The following CSMD1 variants were observed in gnomAD, a reference collection of about 807,000 sequenced individuals.
CSMD1 encodes CUB and Sushi multiple domains 1.
Under a neutral mutation model 417.5 loss-of-function variants are expected in CSMD1, and 213 were observed. That is an observed-to-expected ratio of 0.51 (90% confidence interval 0.46 to 0.57). The LOEUF is 0.57. Among genes scored for constraint, CSMD1 ranks in the 20% least tolerant of loss-of-function variants. The pLI, the probability that CSMD1 is intolerant of heterozygous loss-of-function variation, is 0.00. For synonymous variants in CSMD1, 2,862 were observed against 1,736.8 expected, an observed-to-expected ratio of 1.65 and a Z score of -16.11; for missense variants, 6,923 against 4,529.7, an observed-to-expected ratio of 1.53 and a Z score of -15.17.
chr8:3,603,930 GC>G (rs1477603273), intron 8 of CSMD1, among the ~76,000 whole-genome samples: 1 of 152,144 alleles, frequency 6.6e-6, no homozygotes, highest in Non-Finnish European at 1.5e-5. Flanking sequence ...AGAAACAGCA[GC>G]TTTTTTATTG....
At chr8:3,182,667 A>G (rs1283315046) in intron 36 of CSMD1, among the ~76,000 whole-genome samples, 1 of 43,672 alleles carries the variant, frequency 2.3e-5, no homozygotes, top group African/African-American at 7.9e-5. Flanking sequence ...CTGGCTGTCT[A>G]TAAGAAGCTG....
rs186302224 is a variant in CSMD1, at chr8:4,021,987, G to A, written c.610+9918C>T. Among the ~76,000 whole-genome samples the A allele has an allele frequency of 3.1e-4, 47 of 151,876 alleles. 1 individual carries two copies. Among genetic ancestry groups the A allele is most frequent in the African/African-American group, 1.1e-3 (47 of 41,404 alleles). On this transcript the variant is annotated intron_variant, in intron 4 of 69. Coordinates refer to ENST00000635120, the MANE Select transcript of CSMD1 (RefSeq NM_033225.6). ...GTCAAGTGCTGCCTAGGAAAGGATA[G>A]TTAGGTCTGTCTAATTCTGGAGTCC...
At chr8:4,127,670 T>G (rs1290832030) in intron 3 of CSMD1, among the ~76,000 whole-genome samples, 4 of 152,066 alleles carry the variant, frequency 2.6e-5, no homozygotes, top group African/African-American at 4.8e-5. Context: ...AGACTACTTA[T>G]AAGGAAGATA....
rs554563468 is a variant in CSMD1 at position 4,250,281 on chromosome 8, T to C, written c.415+169672A>G. ...CAAAAAGCCTCTCTAGTGATATAAA[T>C]AGCCCAGCTCAGCTTAGGAGTCCTG... On this transcript the variant is annotated intron_variant, in intron 3 of 69. Coordinates refer to ENST00000635120, the MANE Select transcript of CSMD1 (RefSeq NM_033225.6). Among the ~76,000 whole-genome samples the C allele has an allele frequency of 2.0e-5, 3 of 152,300 alleles. No individual in the cohort carries two copies. The South Asian group carries it at 6.2e-4, about 32-fold the overall frequency.
intron 23 of CSMD1, among the ~76,000 whole-genome samples, chr8:3,313,935 C>T (rs538037534): frequency 2.6e-4 from 40 of 152,282 alleles, no homozygotes; most frequent in Admixed American, 2.2e-3. Flanking sequence ...GAATACTATG[C>T]AGCCATAAAA....
intron 3 of CSMD1, among the ~76,000 whole-genome samples, chr8:4,183,554 C>A (rs1798496720): frequency 6.6e-6 from 1 of 152,176 alleles, no homozygotes; most frequent in Non-Finnish European, 1.5e-5. Context: ...AAGTCAGAGA[C>A]AGACATTCCT....
intron 4 of CSMD1, among the ~76,000 whole-genome samples, chr8:4,024,982 C>T (rs529831791): frequency 9.2e-5 from 14 of 152,286 alleles, no homozygotes; most frequent in African/African-American, 3.4e-4. Context: ...CTGGGCTAGG[C>T]CTGGGTGGGT....
intron 1 of CSMD1, among the ~76,000 whole-genome samples, chr8:4,911,975 A>C (rs534742854): frequency 9.9e-5 from 15 of 152,042 alleles, no homozygotes; most frequent in African/African-American, 3.1e-4. Context: ...CAGTTTAATA[A>C]TTTCTCCACA....
At chr8:4,869,316 G>A (rs1001366091) in intron 1 of CSMD1, among the ~76,000 whole-genome samples, 5 of 152,024 alleles carry the variant, frequency 3.3e-5, no homozygotes, top group Admixed American at 2.6e-4. Flanking sequence ...AACAGTGGAG[G>A]AGTTGTGTCT....
chr8:4,906,353 C>A (rs896792380), intron 1 of CSMD1, among the ~76,000 whole-genome samples: 103 of 152,276 alleles, frequency 6.8e-4, no homozygotes, highest in African/African-American at 2.4e-3. Context: ...CACATTCTTG[C>A]ATACAACTTA....
At chr8:4,083,755 C>G (rs1228985944) in intron 3 of CSMD1, among the ~76,000 whole-genome samples, 2 of 152,302 alleles carry the variant, frequency 1.3e-5, no homozygotes, top group East Asian at 1.9e-4. Context: ...AAAACCTAGG[C>G]ATTACCATTC....
intron 3 of CSMD1, among the ~76,000 whole-genome samples, chr8:4,113,490 T>C (rs1052130409): frequency 3.4e-5 from 5 of 145,048 alleles, no homozygotes; most frequent in Non-Finnish European, 7.5e-5. Context: ...CTGCAACCTC[T>C]GCCTCCCAGG....
In CSMD1 at chr8:4,414,014, TTCTTGTGCTAG is replaced by T. The variant is rs1208957615; in HGVS notation, c.415+5928_415+5938del. Among the ~76,000 whole-genome samples, 128 of 152,346 alleles carry T rather than the reference TTCTTGTGCTAG, an allele frequency of 8.4e-4. 1 individual carries two copies. In the East Asian group the frequency reaches 0.02, roughly 23 times the overall value. ...TGGGCTAATGGAGAGCCAGCTGCTC[TTCTTGTGCTAG>T]CACGTTCTTGAAAAGGAAACATTTC... On this transcript the variant is annotated intron_variant, in intron 3 of 69. Transcript: ENST00000635120.
At chr8:4,383,567 A>G (rs750375377) in intron 3 of CSMD1, among the ~76,000 whole-genome samples, 30 of 152,162 alleles carry the variant, frequency 2.0e-4, no homozygotes, top group Non-Finnish European at 3.1e-4. Flanking sequence ...TAAACCTCAA[A>G]TCTGATTACA....
rs181126921 is a variant in CSMD1, at chr8:4,146,562, A to T, written c.416-114463T>A. Among the ~76,000 whole-genome samples, 452 of 123,924 alleles carry T rather than the reference A, an allele frequency of 3.6e-3. 27 individuals carry two copies. Among genetic ancestry groups the T allele is most frequent in the African/African-American group, 0.013 (431 of 33,532 alleles). The allele number at this position is 123,924 out of a possible 152,430, so 81.3% of individuals were successfully genotyped here. On this transcript the variant is annotated intron_variant, in intron 3 of 69. Transcript: ENST00000635120. ...CCACAACTCCAGGGAAGGAAGCTCC[A>T]TTATTATCTGTCTAAATGTTTATAT...
At chr8:4,329,276 G>T (rs1799732068) in intron 3 of CSMD1, among the ~76,000 whole-genome samples, 2 of 152,100 alleles carry the variant, frequency 1.3e-5, no homozygotes, top group Admixed American at 1.3e-4. Context: ...TTACTAAAAT[G>T]CTTGAACAAA....
intron 52 of CSMD1, among the ~76,000 whole-genome samples, chr8:3,013,648 A>C (rs1808589345): frequency 6.6e-6 from 1 of 151,652 alleles, no homozygotes; most frequent in Non-Finnish European, 1.5e-5. Flanking sequence ...GCTACTCAGG[A>C]GGGTGAGGCA....
Position 4,650,345 on chromosome 8 carries a change from A to G in CSMD1, c.86-12787T>C, listed in dbSNP as rs1326871162. On this transcript the variant is annotated intron_variant, in intron 1 of 69. Transcript: ENST00000635120. ...GGGCAGCAGTACGAGACTCCGTCTC[A>G]AGAAAAAAAAAAAAAAAAAAAAAAA... Among the ~76,000 whole-genome samples the G allele has an allele frequency of 4.0e-5, 4 of 99,590 alleles. No individual in the cohort carries two copies. In the East Asian group the frequency reaches 9.4e-4, roughly 24 times the overall value. The allele number at this position is 99,590 out of a possible 152,430, so 65.3% of individuals were successfully genotyped here. A position where few individuals can be genotyped will look rare whatever the true frequency, so the allele number is the denominator to read the frequency against.
At chr8:3,991,949 A>G (rs1176153069) in intron 5 of CSMD1, among the ~76,000 whole-genome samples, 1 of 151,946 alleles carries the variant, frequency 6.6e-6, no homozygotes, top group Non-Finnish European at 1.5e-5. Context: ...TATAACAAAC[A>G]CTCGGTGATT....
Sources: gnomAD v4.1 joint callset for allele counts (sites outside exome capture counted in the v4.1 genomes callset) on GRCh38, gnomAD v4.1.1 for gene constraint, MANE v1.5 for transcripts, NCBI Gene and HGNC (gene_info 2026-07-23, HGNC 2026-07-21) for gene names.